CRTAC1: variants seen among roughly 807,000 people sequenced by gnomAD.
The protein encoded by CRTAC1 is cartilage acidic protein 1, also known as acidic secreted protein in cartilage.
In CRTAC1, 37 loss-of-function variants were observed where a neutral mutation model predicts 67.8. The observed-to-expected ratio is 0.55, with a 90% CI of 0.42 to 0.72. CRTAC1 has a LOEUF of 0.72. Ranked by LOEUF, CRTAC1 falls within the 30% of genes least tolerant of loss-of-function variation. The pLI is 0.00. For missense variants in CRTAC1, 780 were observed against 931.6 expected (o/e 0.84, Z 2.12); for synonymous variants, 348 against 371.0 (o/e 0.94, Z 0.71).
chr10:97,985,398 C>G (rs1293609230), intron 2 of CRTAC1, among the ~76,000 whole-genome samples: 1 of 152,088 alleles, frequency 6.6e-6, no homozygotes, highest in Non-Finnish European at 1.5e-5. Context: ...AAAAATACAC[C>G]AGTCTATGGG....
At chr10:98,021,070 G>C (rs1590300188) in intron 1 of CRTAC1, among the ~76,000 whole-genome samples, 1 of 152,254 alleles carries the variant, frequency 6.6e-6, no homozygotes, top group East Asian at 1.9e-4. Flanking sequence ...CTCTATGTCA[G>C]GTACCGCTCT....
intron 14 of CRTAC1, chr10:97,869,034 T>G (rs1403405091): frequency 1.3e-5 from 2 of 152,214 alleles, no homozygotes; most frequent in Non-Finnish European, 2.9e-5. Flanking sequence ...AAATTGCAGA[T>G]CTTGGCTTTG....
In CRTAC1 at chr10:97,913,400, G is replaced by T. The variant is rs142388937; in HGVS notation, c.715+4100C>A. Among the ~76,000 whole-genome samples, 126 of 152,260 alleles carry T rather than the reference G, an allele frequency of 8.3e-4. 1 individual carries two copies. In the East Asian group the frequency reaches 0.022, roughly 26 times the overall value. ...GTTAAGGCAAGGGGTGGGGCAGCAGGACAGGCCCCATCATTTGTTTCCTCT... is the reference window on the plus strand; with the variant it reads ...GTTAAGGCAAGGGGTGGGGCAGCAGTACAGGCCCCATCATTTGTTTCCTCT... On this transcript the variant is annotated intron_variant, in intron 5 of 14. Transcript: ENST00000370597.
intron 8 of CRTAC1, 71 bp downstream of exon 8, chr10:97,901,432 A>G (rs906324498): frequency 9.4e-6 from 15 of 1,598,166 alleles, no homozygotes; most frequent in African/African-American, 1.3e-5. Context: ...TGATTCTTAA[A>G]CCTTCTCCCT....
chr10:97,910,058 G>A (rs911553807), intron 5 of CRTAC1, among the ~76,000 whole-genome samples: 1 of 152,142 alleles, frequency 6.6e-6, no homozygotes, highest in Non-Finnish European at 1.5e-5. Context: ...TAGGGGTAGG[G>A]GTGTTGGGGA....
Position 98,029,494 on chromosome 10 carries a change from G to A in CRTAC1, c.24+955C>T, listed in dbSNP as rs796606604. 1.5e-4 allele frequency among the ~76,000 whole-genome samples: 20 copies of A among 130,252 alleles called. No individual in the cohort carries two copies. The highest frequency in any genetic ancestry group is 6.7e-4 in the African/African-American group (20 of 29,638). The allele number at this position is 130,252 out of a possible 152,430, so 85.5% of individuals were successfully genotyped here. The stretch of plus-strand genomic sequence containing the variant: ...GGGTGCACCCACCAGCAGCAGCAGC[G>A]GCGGCGGCGGCGGCGGCGGCGGCGG... On this transcript the variant is annotated intron_variant, in intron 1 of 14. Coordinates refer to ENST00000370597, the MANE Select transcript of CRTAC1 (RefSeq NM_018058.7). This position sits in a 1 kb window ranked among gnomAD's most constrained non-coding sequence, Gnocchi z 4.7.
chr10:97,886,239 T>G (rs2050282246), intron 11 of CRTAC1, among the ~76,000 whole-genome samples: 1 of 152,198 alleles, frequency 6.6e-6, no homozygotes, highest in Non-Finnish European at 1.5e-5. Context: ...ATCCTTCCCA[T>G]GTTTGGTCTC....
chr10:97,879,859 A>AGGGGGGGGGGG, intron 14 of CRTAC1: 4 of 407,944 alleles, frequency 9.8e-6, no homozygotes, highest in Non-Finnish European at 1.4e-5. Context: ...GGGGGTGGGG[A>AGGGGGGGGGGG]CGGGGTGGGG....
chr10:97,964,512 C>T (rs2051583001), intron 2 of CRTAC1, among the ~76,000 whole-genome samples: 1 of 152,178 alleles, frequency 6.6e-6, no homozygotes, highest in African/African-American at 2.4e-5. Context: ...AGGAGAAAAG[C>T]CACAGCAGAA....
intron 4 of CRTAC1, among the ~76,000 whole-genome samples, chr10:97,922,622 C>T (rs1162953424): frequency 6.6e-6 from 1 of 152,250 alleles, no homozygotes; most frequent in East Asian, 1.9e-4. Context: ...GCTGCCCCCT[C>T]ACCGGGCAGA....
intron 2 of CRTAC1, among the ~76,000 whole-genome samples, chr10:97,971,957 G>A (rs557256321): frequency 1.3e-5 from 2 of 152,200 alleles, no homozygotes; most frequent in African/African-American, 4.8e-5. Flanking sequence ...TGCCTTTTAC[G>A]GGATACTTCT....
intron 14 of CRTAC1, among the ~76,000 whole-genome samples, chr10:97,873,542 G>C (rs1364902691): frequency 6.6e-6 from 1 of 152,174 alleles, no homozygotes; most frequent in Non-Finnish European, 1.5e-5. Context: ...TAAGCAGTTG[G>C]GGAAAGAGGA....
chr10:97,902,228 G>A (rs2050551567), intron 7 of CRTAC1, among the ~76,000 whole-genome samples: 1 of 152,206 alleles, frequency 6.6e-6, no homozygotes, highest in African/African-American at 2.4e-5. Context: ...AGTAATAGCT[G>A]CCTGGGTTGT....
chr10:97,907,069 C>T (rs1322787249), intron 6 of CRTAC1, among the ~76,000 whole-genome samples: 11 of 152,304 alleles, frequency 7.2e-5, no homozygotes, highest in African/African-American at 2.6e-4. Context: ...TGCAATCATA[C>T]ATCCGAAAAC....
chr10:97,965,692 C>T (rs999524060), intron 2 of CRTAC1, among the ~76,000 whole-genome samples: 3 of 151,954 alleles, frequency 2.0e-5, no homozygotes, highest in Non-Finnish European at 4.4e-5. Context: ...GTCATTTTAG[C>T]CTCTATGGGC....
At chr10:97,885,722 C>A (rs961799273) in intron 11 of CRTAC1, among the ~76,000 whole-genome samples, 1 of 152,058 alleles carries the variant, frequency 6.6e-6, no homozygotes, top group African/African-American at 2.4e-5. Context: ...AGAGCTGTGC[C>A]CAGCACAGAC....
intron 2 of CRTAC1, among the ~76,000 whole-genome samples, chr10:97,965,943 T>G (rs1050664558): frequency 3.9e-5 from 6 of 152,070 alleles, no homozygotes; most frequent in South Asian, 2.1e-4. Flanking sequence ...AGATGACAGA[T>G]GGGGCAGGGG....
intron 2 of CRTAC1, among the ~76,000 whole-genome samples, chr10:97,946,353 C>T (rs1378946981): frequency 6.6e-6 from 1 of 152,212 alleles, no homozygotes; most frequent in Non-Finnish European, 1.5e-5. Flanking sequence ...TCATTCTTTT[C>T]TCTGCCTATG....
chr10:97,985,428 T>C (rs1419881559), intron 2 of CRTAC1, among the ~76,000 whole-genome samples: 1 of 152,158 alleles, frequency 6.6e-6, no homozygotes. Context: ...CTTCTCCAGA[T>C]GGAACTAGAC....
Sources: gnomAD v4.1 joint callset for allele counts (sites outside exome capture counted in the v4.1 genomes callset) on GRCh38, gnomAD v4.1.1 for gene constraint, Gnocchi (gnomAD v3.1) non-coding constraint, MANE v1.5 for transcripts, NCBI Gene and HGNC (gene_info 2026-07-23, HGNC 2026-07-21) for gene names.